NHSL2: variants seen among roughly 807,000 people sequenced by gnomAD.
NHSL2 encodes the protein NHS like 2.
In NHSL2, 27 loss-of-function variants were observed where a neutral mutation model predicts 53.4. The observed-to-expected ratio is 0.51, with a 90% CI of 0.37 to 0.70. The LOEUF is 0.70. Ranked by LOEUF, NHSL2 falls within the 30% of genes least tolerant of loss-of-function variation. The probability of loss-of-function intolerance (pLI) is 0.00; values close to 1 mark genes in which losing one functional copy is unlikely to be tolerated. For synonymous variants in NHSL2, 408 were observed against 404.1 expected (o/e 1.01, Z -0.12); for missense variants, 892 against 980.1 (o/e 0.91, Z 1.20).
At chrX:71,931,773 T>A (rs1449462677) in intron 1 of NHSL2, among the ~76,000 whole-genome samples, 3 of 112,885 alleles carry the variant, frequency 2.7e-5, no homozygotes, top group Admixed American at 9.4e-5. Context: ...CTTTGATTGC[T>A]TTAATTACTT....
chrX:72,029,954 AT>A, intron 1 of NHSL2, among the ~76,000 whole-genome samples: 1 of 111,767 alleles, frequency 8.9e-6, no homozygotes, highest in South Asian at 3.8e-4. Flanking sequence ...GCTAAACGTT[AT>A]GTGTACTATT....
chrX:71,959,722 T>A (rs1473875221), intron 1 of NHSL2, among the ~76,000 whole-genome samples: 1 of 112,328 alleles, frequency 8.9e-6, no homozygotes, highest in African/African-American at 3.2e-5. Flanking sequence ...AACGATATTA[T>A]ATGTCTTCTT....
intron 1 of NHSL2, among the ~76,000 whole-genome samples, chrX:71,947,482 C>T (rs2041798128): frequency 8.9e-6 from 1 of 112,555 alleles, no homozygotes; most frequent in Non-Finnish European, 1.9e-5. Context: ...GGCTGGGGGG[C>T]ATAGATGCTT....
chrX:71,922,774 G>C (rs1262895331), intron 1 of NHSL2, among the ~76,000 whole-genome samples: 3 of 112,623 alleles, frequency 2.7e-5, no homozygotes, highest in Non-Finnish European at 5.6e-5. Flanking sequence ...ATACTGAAAA[G>C]TGGGAAACAT....
At chrX:72,106,370 C>T (rs775576980) in intron 1 of NHSL2, among the ~76,000 whole-genome samples, 2 of 111,897 alleles carry the variant, frequency 1.8e-5, no homozygotes, top group East Asian at 5.6e-4. Flanking sequence ...GTTTAAAAAA[C>T]GAATTTTCCA....
At chrX:72,081,718 T>A (rs1205796745) in intron 1 of NHSL2, among the ~76,000 whole-genome samples, 1 of 112,503 alleles carries the variant, frequency 8.9e-6, no homozygotes, top group Non-Finnish European at 1.9e-5. Context: ...TTATTTCTCT[T>A]CTCTATTGCC....
chrX:72,085,729 TG>T (rs1174198733), intron 1 of NHSL2, among the ~76,000 whole-genome samples: 3 of 97,546 alleles, frequency 3.1e-5, no homozygotes, highest in South Asian at 4.5e-4. Flanking sequence ...TTTTTTTTTG[TG>T]GGGGGGTATA....
At chrX:71,964,000 C>CATATATATATATATATATACATATAT (rs1491526328) in intron 1 of NHSL2, among the ~76,000 whole-genome samples, 1 of 31,441 alleles carries the variant, frequency 3.2e-5, no homozygotes, top group Non-Finnish European at 5.4e-5. Flanking sequence ...TATGTATATA[C>CATATATATATATATATATACATATAT]ATATATATAT....
intron 1 of NHSL2, among the ~76,000 whole-genome samples, chrX:71,959,303 A>G (rs1382197130): frequency 1.8e-5 from 2 of 112,217 alleles, no homozygotes; most frequent in Admixed American, 9.4e-5. Flanking sequence ...GGCAGCCCCC[A>G]GAGAGGGACC....
chrX:71,952,499 T>C (rs2041825306), intron 1 of NHSL2, among the ~76,000 whole-genome samples: 1 of 111,459 alleles, frequency 9.0e-6, no homozygotes, highest in Admixed American at 9.5e-5. Context: ...CCAGCAAATT[T>C]GGTGTCTGAT....
rs184638803 is a variant in NHSL2 at position 72,077,900 on chromosome X, G to C, written c.281-54179G>C. 5.9e-4 allele frequency among the ~76,000 whole-genome samples: 66 copies of C among 112,745 alleles called. No individual in the cohort carries two copies. The Middle Eastern group carries it at 0.014, about 23-fold the overall frequency. On this transcript the variant is annotated intron_variant, in intron 1 of 7. Coordinates refer to ENST00000633930, the MANE Select transcript of NHSL2 (RefSeq NM_001013627.3). Reference sequence around the variant, plus strand: ...GAAGGCCCAGGGTACCGGTCAGAAAGGCCATAGGAGGACTGCTAGGAAACA... The same window carrying C: ...GAAGGCCCAGGGTACCGGTCAGAAACGCCATAGGAGGACTGCTAGGAAACA...
At chrX:71,912,092 A>C (rs2041606809) in intron 1 of NHSL2, among the ~76,000 whole-genome samples, 1 of 112,425 alleles carries the variant, frequency 8.9e-6, no homozygotes, top group Non-Finnish European at 1.9e-5. Flanking sequence ...AGAAACTATC[A>C]TCAGTTTCCT....
intron 1 of NHSL2, among the ~76,000 whole-genome samples, chrX:71,912,426 G>A (rs1489463972): frequency 8.9e-6 from 1 of 112,494 alleles, no homozygotes; most frequent in Non-Finnish European, 1.9e-5. Flanking sequence ...AGTTTCCAAT[G>A]GGGGCAGAAG....
At chrX:72,024,045 G>A (rs946608379) in intron 1 of NHSL2, among the ~76,000 whole-genome samples, 2 of 111,655 alleles carry the variant, frequency 1.8e-5, no homozygotes, top group Non-Finnish European at 3.8e-5. Context: ...GCCTAACACT[G>A]CCAACAAGCT....
At chrX:72,099,337 G>A (rs1260933900) in intron 1 of NHSL2, among the ~76,000 whole-genome samples, 3 of 108,310 alleles carry the variant, frequency 2.8e-5, no homozygotes, top group African/African-American at 1.0e-4. Flanking sequence ...GCCAATTTTG[G>A]CACCAGTATC....
chrX:71,923,015 A>C (rs1381083744), intron 1 of NHSL2, among the ~76,000 whole-genome samples: 1 of 112,406 alleles, frequency 8.9e-6, no homozygotes, highest in African/African-American at 3.2e-5. Context: ...CAGAAGTTTT[A>C]TATTTTGTGT....
At chrX:71,959,315 C>A (rs1203969741) in intron 1 of NHSL2, among the ~76,000 whole-genome samples, 1 of 111,989 alleles carries the variant, frequency 8.9e-6, no homozygotes, top group African/African-American at 3.2e-5. Context: ...AGAGGGACCA[C>A]TTATCCTGAA....
chrX:71,983,100 G>A lies in NHSL2; in HGVS notation c.280+71733G>A, dbSNP rs901810629. 2.7e-5 allele frequency among the ~76,000 whole-genome samples: 3 copies of A among 111,360 alleles called. No homozygotes were observed. In the East Asian group the frequency reaches 8.5e-4, roughly 31 times the overall value. Reference sequence around the variant, plus strand: ...TGATTGCTTATTTGGCGAATGGGGAGAGAAAATCCCACACATTTGGTTACA... The same window carrying A: ...TGATTGCTTATTTGGCGAATGGGGAAAGAAAATCCCACACATTTGGTTACA... On this transcript the variant is annotated intron_variant, in intron 1 of 7. Coordinates refer to ENST00000633930, the MANE Select transcript of NHSL2 (RefSeq NM_001013627.3).
At chrX:71,989,348 C>CA (rs10625546) in intron 1 of NHSL2, among the ~76,000 whole-genome samples, 2,111 of 54,693 alleles carry the variant, frequency 0.039, 239 homozygotes, top group African/African-American at 0.15. Flanking sequence ...GACTCCGTCT[C>CA]AAAAAAAAAA....
Sources: allele counts gnomAD v4.1 joint callset (sites outside exome capture counted in the v4.1 genomes callset), GRCh38; gene constraint gnomAD v4.1.1; transcripts MANE v1.5; gene names NCBI Gene and HGNC (gene_info 2026-07-23, HGNC 2026-07-21).